The following MTAP variants were observed in gnomAD, a reference collection of about 807,000 sequenced individuals.
The protein encoded by MTAP is S-methyl-5'-thioadenosine phosphorylase.
Under a neutral mutation model 33.6 loss-of-function variants are expected in MTAP, and 33 were observed. The observed-to-expected ratio is 0.98, with a 90% CI of 0.74 to 1.31. The LOEUF is 1.31. MTAP is among the 40% of genes most tolerant of loss of function. The pLI, the probability that MTAP is intolerant of heterozygous loss-of-function variation, is 0.00. For missense variants in MTAP, 367 were observed against 360.0 expected (o/e 1.02, Z -0.16); for synonymous variants, 148 against 125.7 (o/e 1.18, Z -1.19).
At chr9:21,857,066 G>T (rs1225235353) in intron 6 of MTAP, among the ~76,000 whole-genome samples, 9 of 152,168 alleles carry the variant, frequency 5.9e-5, no homozygotes, top group Non-Finnish European at 1.2e-4. Flanking sequence ...CTGATGGAGT[G>T]GGGGGCCTGA....
intron 1 of MTAP, among the ~76,000 whole-genome samples, chr9:21,891,288 G>A (rs555320573): frequency 1.6e-4 from 25 of 152,094 alleles, no homozygotes; most frequent in Admixed American, 1.4e-3. Flanking sequence ...TCTTAACCAG[G>A]CTGAAATGGC....
Position 21,837,929 on chromosome 9 carries a change from C to T in MTAP, c.369C>T (p.Ser123=). ...GTAGGACCACTATGAGACCTCAGTC[C>T]TTCTATGATGGAAGTCATTCTTGTG... The part of the protein sequence containing the change: ...FIDRTTMRPQ[S]FYDGSHSCAR... The change falls in exon 5 of 8, where the codon TCC becomes TCT. Residue 123 remains serine, a synonymous_variant. Transcript: ENST00000644715. The T allele has an allele frequency of 6.2e-7, 1 of 1,613,996 alleles. No individual in the cohort carries two copies. The highest frequency in any genetic ancestry group is 8.5e-7 in the Non-Finnish European group (1 of 1,179,914).
intron 3 of MTAP, among the ~76,000 whole-genome samples, chr9:21,817,416 T>C (rs1824510276): frequency 6.6e-6 from 1 of 152,002 alleles, no homozygotes; most frequent in African/African-American, 2.4e-5. Context: ...CCACAAGGCA[T>C]ATTCAAGGAC....
chr9:21,832,670 C>G (rs988711610), intron 4 of MTAP, among the ~76,000 whole-genome samples: 1 of 152,174 alleles, frequency 6.6e-6, no homozygotes, highest in Non-Finnish European at 1.5e-5. Flanking sequence ...TTCATTCTTA[C>G]GTTCTGTTCC....
chr9:21,859,659 G>T (rs527297586), intron 7 of MTAP: 2 of 383,754 alleles, frequency 5.2e-6, no homozygotes, highest in Non-Finnish European at 9.2e-6. Flanking sequence ...TTATTATCTC[G>T]TGTACCAGAT....
At chr9:21,812,595 G>C (rs1824377957) in intron 1 of MTAP, among the ~76,000 whole-genome samples, 1 of 152,232 alleles carries the variant, frequency 6.6e-6, no homozygotes, top group Non-Finnish European at 1.5e-5. Context: ...GGCCTGGCAA[G>C]GTCTTGTCAT....
At position 21,864,523 on chromosome 9, in the gene MTAP, A is replaced by C. The variant is rs1305628794; in HGVS notation, c.*2509A>C. 2 of 985,260 alleles carry C rather than the reference A, an allele frequency of 2.0e-6. No homozygotes were observed. Among genetic ancestry groups the C allele is most frequent in the African/African-American group, 3.5e-5 (2 of 57,190 alleles). The allele number at this position is 985,260 out of a possible 1,614,324, so 61.0% of individuals were successfully genotyped here. A position where few individuals can be genotyped will look rare whatever the true frequency, so the allele number is the denominator to read the frequency against. On this transcript the variant is annotated 3_prime_UTR_variant, in exon 8 of 8. Coordinates refer to ENST00000644715, the MANE Select transcript of MTAP (RefSeq NM_002451.4). ...ACATAGAAGTCTTTGTTGGCCTTATAATCTGCTGTTATATTTGGCATGGAT... is the reference window on the plus strand; with the variant it reads ...ACATAGAAGTCTTTGTTGGCCTTATCATCTGCTGTTATATTTGGCATGGAT...
intron 5 of MTAP, among the ~76,000 whole-genome samples, chr9:21,849,966 C>T (rs1825472873): frequency 6.6e-6 from 1 of 152,256 alleles, no homozygotes; most frequent in Admixed American, 6.5e-5. Flanking sequence ...TTGCCTTCAG[C>T]TGGCAAGGCC....
At chr9:21,899,805 C>T (rs1818359557) in intron 1 of MTAP, among the ~76,000 whole-genome samples, 1 of 152,112 alleles carries the variant, frequency 6.6e-6, no homozygotes, top group Non-Finnish European at 1.5e-5. Flanking sequence ...AGAGCCAAAC[C>T]ATATCAGTAC....
In MTAP at chr9:21,910,682, T is replaced by C. The variant is rs1240096644; in HGVS notation, c.148-20326T>C. Among the ~76,000 whole-genome samples, 3 of 152,296 alleles carry C rather than the reference T, an allele frequency of 2.0e-5. No individual in the cohort carries two copies. In the East Asian group the frequency reaches 5.8e-4, roughly 29 times the overall value. The stretch of plus-strand genomic sequence containing the variant: ...GGGGGAGTCCTTGTTTGTTGGTTTT[T>C]TAATAGCAGTGATATAATTCACATA... On this transcript the variant is annotated intron_variant, in intron 1 of 1. Transcript: ENST00000577563.
chr9:21,819,653 C>A (rs945105051), intron 4 of MTAP, among the ~76,000 whole-genome samples: 3 of 152,170 alleles, frequency 2.0e-5, no homozygotes, highest in African/African-American at 7.2e-5. Flanking sequence ...TGGGTATATA[C>A]CCAGTAATGG....
chr9:21,869,017 C>T (rs1402659288), downstream of MTAP, among the ~76,000 whole-genome samples: 1 of 152,134 alleles, frequency 6.6e-6, no homozygotes, highest in Non-Finnish European at 1.5e-5. Flanking sequence ...AGACCCCATA[C>T]CTCACACCTA....
At chr9:21,939,018 G>GT (rs1340591408), downstream of MTAP, among the ~76,000 whole-genome samples, 1 of 152,206 alleles carries the variant, frequency 6.6e-6, no homozygotes, top group Non-Finnish European at 1.5e-5. Context: ...CCCACATGTT[G>GT]TGGGAGGGAC....
intron 1 of MTAP, among the ~76,000 whole-genome samples, chr9:21,875,455 A>C (rs1825992446): frequency 6.6e-6 from 1 of 151,972 alleles, no homozygotes; most frequent in Non-Finnish European, 1.5e-5. Flanking sequence ...TGTTTCTTCT[A>C]AATTTGTTTA....
chr9:21,839,337 G>T (rs1366536262), intron 5 of MTAP, among the ~76,000 whole-genome samples: 1 of 152,140 alleles, frequency 6.6e-6, no homozygotes, highest in Non-Finnish European at 1.5e-5. Context: ...ATGAAGTATG[G>T]ATAAAATTCT....
intron 6 of MTAP, chr9:21,856,095 T>C: frequency 1.0e-5 from 9 of 893,492 alleles, no homozygotes; most frequent in Non-Finnish European, 1.2e-5. Context: ...TTTTATTCCT[T>C]GTGTTACTTG....
chr9:21,908,621 A>G (rs1256941024), intron 1 of MTAP, among the ~76,000 whole-genome samples: 1 of 152,056 alleles, frequency 6.6e-6, no homozygotes, highest in African/African-American at 2.4e-5. Flanking sequence ...TAATTTGTGT[A>G]GTTAGAATAG....
intron 1 of MTAP, among the ~76,000 whole-genome samples, chr9:21,898,548 C>G (rs1818336380): frequency 6.6e-6 from 1 of 152,124 alleles, no homozygotes; most frequent in African/African-American, 2.4e-5. Flanking sequence ...AAAAATCAAA[C>G]AATGCCATCA....
chr9:21,926,325 CCT>C (rs1204720919), intron 1 of MTAP, among the ~76,000 whole-genome samples: 1 of 149,736 alleles, frequency 6.7e-6, no homozygotes, highest in Admixed American at 6.6e-5. Context: ...ATGTAACACC[CCT>C]GTCTTACCTG....
Sources: allele counts gnomAD v4.1 joint callset (sites outside exome capture counted in the v4.1 genomes callset), GRCh38; gene constraint gnomAD v4.1.1; transcripts MANE v1.5; gene names NCBI Gene and HGNC (gene_info 2026-07-23, HGNC 2026-07-21).